FBXL16: variants seen among roughly 807,000 people sequenced by gnomAD.
FBXL16 encodes the protein F-box/LRR-repeat protein 16.
Under a neutral mutation model 36.7 loss-of-function variants are expected in FBXL16, and 7 were observed. That is an observed-to-expected ratio of 0.19 (90% CI 0.11 to 0.36). The LOEUF is 0.36. FBXL16 is among the 10% of genes least tolerant of loss of function. The pLI is 1.00. For missense variants in FBXL16, 463 were observed against 659.4 expected (o/e 0.70, Z 3.26); for synonymous variants, 355 against 308.7 (o/e 1.15, Z -1.57).
chr16:694,341 G>A lies in FBXL16; in HGVS notation c.1374C>T (p.Pro458=), dbSNP rs1280669364. The A allele has an allele frequency of 2.0e-6, 3 of 1,519,382 alleles. No homozygotes were observed. The highest frequency in any genetic ancestry group is 2.6e-6 in the Non-Finnish European group (3 of 1,140,236). The allele number at this position is 1,519,382 out of a possible 1,614,324, so 94.1% of individuals were successfully genotyped here. The change falls in exon 6 of 6, where the codon CCC becomes CCT. Residue 458 remains proline, a synonymous_variant. Transcript: ENST00000397621. ...ELEELELTNC[P]GATPELFKYF... ...ACTTGAAGAGCTCGGGGGTGGCCCC[G>A]GGGCAGTTGGTCAGCTCCAGCTCCT...
At position 693,758 on chromosome 16, in the gene FBXL16, A is replaced by G. The variant is rs2039988258; in HGVS notation, c.*517T>C. The G allele has an allele frequency of 6.5e-6, 1 of 152,736 alleles. No homozygotes were observed. Among genetic ancestry groups the G allele is most frequent in the African/African-American group, 2.4e-5 (1 of 41,422 alleles). 9.5% of individuals were successfully genotyped at this position (152,736 alleles called of 1,614,324 possible). On this transcript the variant is annotated 3_prime_UTR_variant, in exon 6 of 6. Transcript: ENST00000397621. ...GGCTCCAGGTATGGTGCGGTGGAAG[A>G]TGCAGGAAGCCCGTGGGGCTCTTCT...
chr16:703,105 G>A (rs572180046), intron 1 of FBXL16, among the ~76,000 whole-genome samples: 2 of 152,306 alleles, frequency 1.3e-5, no homozygotes, highest in Non-Finnish European at 2.9e-5. Flanking sequence ...CCTGGGTCCT[G>A]CCAGGTGTAC....
At position 693,946 on chromosome 16, in the gene FBXL16, G is replaced by A. The variant is rs1427854121; in HGVS notation, c.*329C>T. 2 of 165,470 alleles carry A rather than the reference G, an allele frequency of 1.2e-5. No individual in the cohort carries two copies. Among genetic ancestry groups the A allele is most frequent in the Non-Finnish European group, 2.5e-5 (2 of 79,616 alleles). The allele number at this position is 165,470 out of a possible 1,614,324, so 10.3% of individuals were successfully genotyped here. A position where few individuals can be genotyped will look rare whatever the true frequency, so the allele number is the denominator to read the frequency against. On this transcript the variant is annotated 3_prime_UTR_variant, in exon 6 of 6. Coordinates refer to ENST00000397621, the MANE Select transcript of FBXL16 (RefSeq NM_153350.4). ...GGACCGAGCCCCGCCCCCCAAGCGG[G>A]AGGGCGAGCGAGTGATGGCGGCGGC...
chr16:698,749 AC>A, intron 1 of FBXL16, among the ~76,000 whole-genome samples: 1 of 152,094 alleles, frequency 6.6e-6, no homozygotes, highest in East Asian at 1.9e-4. Context: ...CCCCTTCTCT[AC>A]TAAAAATACA....
At chr16:700,371 C>A (rs1365264904) in intron 1 of FBXL16, among the ~76,000 whole-genome samples, 4 of 152,292 alleles carry the variant, frequency 2.6e-5, no homozygotes, top group East Asian at 1.9e-4. Context: ...CAGCCGGTGA[C>A]CCCCATCATG....
chr16:703,765 C>T (rs1195326918), intron 1 of FBXL16, among the ~76,000 whole-genome samples: 2 of 152,238 alleles, frequency 1.3e-5, no homozygotes, highest in Non-Finnish European at 2.9e-5. Flanking sequence ...GTTGCTGCCC[C>T]AGCAGACTGA....
chr16:697,039 C>G lies in FBXL16; in HGVS notation c.367G>C (p.Ala123Pro). The change falls in exon 2 of 6, where the codon GCC becomes CCC. Residue 123 changes from alanine (A) to proline (P), a missense_variant. By Grantham distance (27) the Ala-to-Pro change is conservative. This residue lies in a region of FBXL16 where 263 missense variants were observed against 341.1 expected (regional missense o/e 0.77). Coordinates refer to ENST00000397621, the MANE Select transcript of FBXL16 (RefSeq NM_153350.4). This position sits in a 1 kb window ranked among gnomAD's most constrained non-coding sequence, Gnocchi z 4.6. ...GGCTGGTACAGCACGCGCCGCCAGG[C>G]CTTGCACACCTGGGCCAGCACACAC... Reference protein sequence around the residue: ...EKCVLAQVCKAWRRVLYQPKF... With the variant: ...EKCVLAQVCKPWRRVLYQPKF... 6.3e-7 allele frequency: 1 copy of G among 1,598,822 alleles called. No homozygotes were observed. Among genetic ancestry groups the G allele is most frequent in the Non-Finnish European group, 8.5e-7 (1 of 1,172,488 alleles).
chr16:702,144 G>A (rs1368562123), intron 1 of FBXL16, among the ~76,000 whole-genome samples: 4 of 152,190 alleles, frequency 2.6e-5, no homozygotes, highest in Non-Finnish European at 5.9e-5. Flanking sequence ...CGCAGGAGCT[G>A]CCTCTTCTGC....
In FBXL16 at chr16:697,480, G is replaced by T; in HGVS notation, c.-14-61C>A. The T allele has an allele frequency of 6.8e-7, 1 of 1,471,612 alleles. No homozygotes were observed. The highest frequency in any genetic ancestry group is 9.0e-7 in the Non-Finnish European group (1 of 1,112,364). 91.2% of individuals were successfully genotyped at this position (1,471,612 alleles called of 1,614,324 possible). A position where few individuals can be genotyped will look rare whatever the true frequency, so the allele number is the denominator to read the frequency against. Reference sequence around the variant, plus strand: ...TGCTGAGTCTGGAAGGCCGGGGTTGGGGGCGGGTGCAGTGGGGCTCCTTCC... The same window carrying T: ...TGCTGAGTCTGGAAGGCCGGGGTTGTGGGCGGGTGCAGTGGGGCTCCTTCC... On this transcript the variant is annotated intron_variant, in intron 1 of 5. Coordinates refer to ENST00000397621, the MANE Select transcript of FBXL16 (RefSeq NM_153350.4). The surrounding 1 kb of genome is among the most constrained non-coding windows in gnomAD (Gnocchi z 4.6).
rs555128850 is a variant in FBXL16 at position 702,052 on chromosome 16, G to C, written c.-15+3460C>G. Among the ~76,000 whole-genome samples, 4 of 152,290 alleles carry C rather than the reference G, an allele frequency of 2.6e-5. No homozygotes were observed. The East Asian group carries it at 7.7e-4, about 29-fold the overall frequency. The stretch of plus-strand genomic sequence containing the variant: ...CAGAGTGAGCCTAGGGAGCACGGTG[G>C]GGCCTGGGTGCTCCTGGGGGTCCCC... On this transcript the variant is annotated intron_variant, in intron 1 of 5. Coordinates refer to ENST00000397621, the MANE Select transcript of FBXL16 (RefSeq NM_153350.4).
Position 695,426 on chromosome 16 carries a change from G to C in FBXL16, c.1131C>G (p.Leu377=), listed in dbSNP as rs769296846. The change falls in exon 3 of 6, where the codon CTC becomes CTG. Residue 377 remains leucine, a synonymous_variant. Coordinates refer to ENST00000397621, the MANE Select transcript of FBXL16 (RefSeq NM_153350.4). ...CCGGGGGCGCGCACCTGTCGAGCAC[G>C]AGCTCCTCTAGGCGGTGCAGGTCGC... ...VACDLHRLEE[L]VLDRCVRITD... 1 of 1,536,470 alleles carries C rather than the reference G, an allele frequency of 6.5e-7. No individual in the cohort carries two copies. The highest frequency in any genetic ancestry group is 8.7e-7 in the Non-Finnish European group (1 of 1,146,928).
At chr16:698,320 C>T (rs1265492967) in intron 1 of FBXL16, among the ~76,000 whole-genome samples, 1 of 152,144 alleles carries the variant, frequency 6.6e-6, no homozygotes, top group Non-Finnish European at 1.5e-5. Context: ...TTTTTGTTTG[C>T]CCAGTGAGGC....
At chr16:698,043 G>A (rs926564238) in intron 1 of FBXL16, among the ~76,000 whole-genome samples, 25 of 151,586 alleles carry the variant, frequency 1.6e-4, no homozygotes, top group African/African-American at 5.8e-4. Context: ...TGCCTGGAGC[G>A]CAGACTGGAG....
chr16:694,449 A>T (rs1344846032), intron 5 of FBXL16, 26 bp from the exon 6 acceptor site: 1 of 1,529,210 alleles, frequency 6.5e-7, no homozygotes, highest in East Asian at 2.5e-5. Flanking sequence ...AGGGCGGCTC[A>T]GTGCGCGCGG....
At chr16:694,952 C>T (rs374250700) in intron 4 of FBXL16, 40 bp downstream of exon 4, 4 of 1,502,600 alleles carry the variant, frequency 2.7e-6, no homozygotes, top group Non-Finnish European at 3.6e-6. Context: ...GCCCCCACCT[C>T]CCCGCCGATC....
In FBXL16 at chr16:703,454, G is replaced by T. The variant is rs192638453; in HGVS notation, c.-15+2058C>A. On this transcript the variant is annotated intron_variant, in intron 1 of 5. Transcript: ENST00000397621. The stretch of plus-strand genomic sequence containing the variant: ...GGGACCATTGAGCCCTGCCTGCAGA[G>T]GGCCTTAGAGCTGGGCAGGGCCCTG... Among the ~76,000 whole-genome samples the T allele has an allele frequency of 2.6e-3, 397 of 152,334 alleles. 1 individual carries two copies. Among genetic ancestry groups the T allele is most frequent in the African/African-American group, 9.2e-3 (382 of 41,570 alleles).
intron 1 of FBXL16, among the ~76,000 whole-genome samples, chr16:702,299 T>G (rs1256471085): frequency 1.3e-5 from 2 of 152,126 alleles, no homozygotes; most frequent in African/African-American, 4.8e-5. Context: ...TTTCCCTGCC[T>G]TAGCCCTGCA....
intron 1 of FBXL16, among the ~76,000 whole-genome samples, chr16:704,635 G>T (rs950882571): frequency 1.3e-5 from 2 of 152,226 alleles, no homozygotes; most frequent in African/African-American, 4.8e-5. Context: ...GAGGGGGTGG[G>T]CTGGGAGACG....
At chr16:703,186 A>G (rs999207081) in intron 1 of FBXL16, among the ~76,000 whole-genome samples, 7 of 152,050 alleles carry the variant, frequency 4.6e-5, no homozygotes, top group African/African-American at 1.7e-4. Context: ...GCCCTGGGCT[A>G]GTGGTCTCTC....
Sources: gnomAD v4.1 joint callset for allele counts (sites outside exome capture counted in the v4.1 genomes callset) on GRCh38, gnomAD v4.1.1 for gene constraint, gnomAD v4.1.1 regional missense constraint, Gnocchi (gnomAD v3.1) non-coding constraint, MANE v1.5 for transcripts, NCBI Gene and HGNC (gene_info 2026-07-23, HGNC 2026-07-21) for gene names.